SNX3: variants seen among roughly 807,000 people sequenced by gnomAD.
SNX3 encodes sorting nexin 3.
Under a neutral mutation model 17.7 loss-of-function variants are expected in SNX3, and 5 were observed. The ratio of observed to expected loss-of-function variants is 0.28; its 90% CI spans 0.15 to 0.59. The LOEUF is 0.59. Among genes scored for constraint, SNX3 ranks in the 20% least tolerant of loss-of-function variants. The pLI is 0.88. For missense variants in SNX3, 132 were observed against 206.8 expected (o/e 0.64, Z 2.22); for synonymous variants, 91 against 76.5 (o/e 1.19, Z -0.99).
chr6:108,256,066 C>G (rs1198673337), intron 1 of SNX3, among the ~76,000 whole-genome samples: 1 of 152,156 alleles, frequency 6.6e-6, no homozygotes, highest in South Asian at 2.1e-4. Context: ...CTCGTCTCTA[C>G]AAATAATTTA....
intron 1 of SNX3, among the ~76,000 whole-genome samples, chr6:108,226,039 T>A: frequency 9.0e-6 from 1 of 111,594 alleles, no homozygotes; most frequent in East Asian, 2.6e-4. Flanking sequence ...AATGAGACCC[T>A]CTCTCTCAAA....
chr6:108,252,681 CT>C (rs147765130), intron 1 of SNX3, among the ~76,000 whole-genome samples: 3 of 151,128 alleles, frequency 2.0e-5, no homozygotes, highest in Admixed American at 6.6e-5. Flanking sequence ...CTCTTTTTCT[CT>C]TTTTTTTTGG....
At chr6:108,254,217 T>C (rs146811702) in intron 1 of SNX3, among the ~76,000 whole-genome samples, 39 of 151,270 alleles carry the variant, frequency 2.6e-4, no homozygotes, top group African/African-American at 7.3e-4. Flanking sequence ...TCAGGTGATA[T>C]GAATTTTCTG....
At chr6:108,246,313 CTTTTTTTTTTTTTTTTT>C (rs71015538) in intron 1 of SNX3, among the ~76,000 whole-genome samples, 4 of 47,972 alleles carry the variant, frequency 8.3e-5, no homozygotes, top group African/African-American at 1.8e-4. Flanking sequence ...TTTGAGCATT[CTTTTTTTTTTTTTTTTT>C]TTTTTTTTTT....
chr6:108,247,136 A>C (rs1775715967), intron 1 of SNX3, among the ~76,000 whole-genome samples: 1 of 152,086 alleles, frequency 6.6e-6, no homozygotes, highest in Non-Finnish European at 1.5e-5. Flanking sequence ...CTTTCTGCTC[A>C]CTTTCTCTTT....
intron 1 of SNX3, among the ~76,000 whole-genome samples, chr6:108,229,156 A>G (rs1257951044): frequency 1.3e-5 from 2 of 148,364 alleles, no homozygotes; most frequent in Non-Finnish European, 3.0e-5. Flanking sequence ...GCTACTCCGG[A>G]GGCTATGGCA....
chr6:108,217,932 T>G (rs1299473089), intron 2 of SNX3, among the ~76,000 whole-genome samples: 3 of 152,176 alleles, frequency 2.0e-5, no homozygotes, highest in Non-Finnish European at 4.4e-5. Context: ...TAGCTTAGTT[T>G]AACAGATCTT....
intron 1 of SNX3, chr6:108,252,326 A>G: frequency 6.3e-6 from 1 of 159,012 alleles, no homozygotes. Flanking sequence ...AGGAGCAGAA[A>G]AAACTTGAGG....
chr6:108,253,110 G>A, intron 1 of SNX3, among the ~76,000 whole-genome samples: 1 of 152,224 alleles, frequency 6.6e-6, no homozygotes, highest in Non-Finnish European at 1.5e-5. Flanking sequence ...TGGAAGGGGT[G>A]AGATAAGCAT....
At chr6:108,257,267 C>T (rs1776058150) in intron 1 of SNX3, among the ~76,000 whole-genome samples, 1 of 151,984 alleles carries the variant, frequency 6.6e-6, no homozygotes, top group African/African-American at 2.4e-5. Context: ...GCCTGTAATT[C>T]CAACACTTTG....
At chr6:108,246,260 G>A (rs1775685268) in intron 1 of SNX3, among the ~76,000 whole-genome samples, 1 of 149,036 alleles carries the variant, frequency 6.7e-6, no homozygotes, top group Non-Finnish European at 1.5e-5. Context: ...TAGACGTGTG[G>A]TGTTATTTCT....
At position 108,211,956 on chromosome 6, in the gene SNX3, T is replaced by G; in HGVS notation, c.*193A>C. On this transcript the variant is annotated 3_prime_UTR_variant, in exon 4 of 4. Coordinates refer to ENST00000230085, the MANE Select transcript of SNX3 (RefSeq NM_003795.6). ...GAAAGAGCTATTTATATAGAAAGGC[T>G]GGAATGAGGGATTTTTACTAAAGCA... The G allele has an allele frequency of 2.0e-6, 1 of 494,304 alleles. No individual in the cohort carries two copies. The highest frequency in any genetic ancestry group is 3.6e-6 in the Non-Finnish European group (1 of 280,794). The allele number at this position is 494,304 out of a possible 1,614,324, so 30.6% of individuals were successfully genotyped here.
intron 1 of SNX3, among the ~76,000 whole-genome samples, chr6:108,233,196 A>T (rs1299812045): frequency 3.3e-5 from 5 of 152,224 alleles, no homozygotes; most frequent in Non-Finnish European, 7.3e-5. Flanking sequence ...AACAAGACTC[A>T]TTGGAGAGCT....
At chr6:108,235,435 A>G (rs1198303038) in intron 1 of SNX3, among the ~76,000 whole-genome samples, 2 of 152,220 alleles carry the variant, frequency 1.3e-5, no homozygotes, top group Non-Finnish European at 2.9e-5. Flanking sequence ...GTAGAACTGT[A>G]ATGAAGTGAA....
At chr6:108,212,304 G>A (rs757728572) in intron 3 of SNX3, 50 bp from the exon 4 acceptor site, 1 of 1,282,602 alleles carries the variant, frequency 7.8e-7, no homozygotes. Context: ...CAAGGTGGGG[G>A]AGTTCAAAAC....
intron 2 of SNX3, among the ~76,000 whole-genome samples, chr6:108,214,871 T>C (rs1287915283): frequency 6.6e-6 from 1 of 152,204 alleles, no homozygotes; most frequent in Non-Finnish European, 1.5e-5. Flanking sequence ...CTTGGCCTTA[T>C]CAAAGCCCAG....
intron 1 of SNX3, among the ~76,000 whole-genome samples, chr6:108,240,264 G>A (rs1775476029): frequency 6.6e-6 from 1 of 152,166 alleles, no homozygotes; most frequent in Non-Finnish European, 1.5e-5. Context: ...TGTTGCCCAG[G>A]CTGGAGTGCA....
chr6:108,226,985 T>A (rs1046134010), intron 1 of SNX3, among the ~76,000 whole-genome samples: 4 of 152,180 alleles, frequency 2.6e-5, no homozygotes, highest in African/African-American at 7.2e-5. Flanking sequence ...CTTATTATAC[T>A]AAAAGTCAAG....
chr6:108,255,778 T>C (rs1776009662), intron 1 of SNX3, among the ~76,000 whole-genome samples: 1 of 152,212 alleles, frequency 6.6e-6, no homozygotes, highest in South Asian at 2.1e-4. Context: ...TGACTCCTAA[T>C]TTAAGATTAG....
Sources: gnomAD v4.1 joint callset for allele counts (sites outside exome capture counted in the v4.1 genomes callset) on GRCh38, gnomAD v4.1.1 for gene constraint, MANE v1.5 for transcripts, NCBI Gene and HGNC (gene_info 2026-07-23, HGNC 2026-07-21) for gene names.